The following ANKRD36 variants were observed in gnomAD, a reference collection of about 807,000 sequenced individuals.
ANKRD36 encodes ankyrin repeat domain-containing protein 36A.
A neutral mutation model predicts 278.1 loss-of-function variants in ANKRD36; 179 were observed. The ratio of observed to expected loss-of-function variants is 0.64; its 90% CI spans 0.57 to 0.73. ANKRD36 has a LOEUF of 0.73. ANKRD36 is among the 30% of genes least tolerant of loss of function. The pLI is 0.00. For synonymous variants in ANKRD36, 320 were observed against 641.1 expected (o/e 0.50, Z 7.57); for missense variants, 1,159 against 1,956.7 (o/e 0.59, Z 7.69).
chr2:97,127,245 C>A (rs1243434618), intron 6 of ANKRD36, 111 bp downstream of exon 6: 13 of 443,306 alleles, frequency 2.9e-5, no homozygotes, highest in Admixed American at 4.7e-5. Context: ...TTAAATTGCA[C>A]ACATTTAAAA....
At chr2:97,206,999 T>A in intron 52 of ANKRD36, among the ~76,000 whole-genome samples, 1 of 151,564 alleles carries the variant, frequency 6.6e-6, no homozygotes, top group East Asian at 1.9e-4. Context: ...TCTAATTAAC[T>A]CCTAAAATGC....
At chr2:97,171,580 T>A (rs1426950238) in intron 22 of ANKRD36, among the ~76,000 whole-genome samples, 2 of 123,528 alleles carry the variant, frequency 1.6e-5, no homozygotes, top group Admixed American at 1.6e-4. Flanking sequence ...AGGGATAGCA[T>A]TGGGAGATAT....
chr2:97,252,746 GT>G (rs1299287746), intron 75 of ANKRD36, among the ~76,000 whole-genome samples: 9 of 142,950 alleles, frequency 6.3e-5, no homozygotes, highest in Non-Finnish European at 1.2e-4. Context: ...GATTACAGGT[GT>G]GAGCCACTGC....
intron 66 of ANKRD36, 67 bp downstream of exon 66, chr2:97,219,313 C>T: frequency 3.0e-6 from 4 of 1,348,956 alleles, no homozygotes; most frequent in East Asian, 2.6e-5. Context: ...TGCTCATAGT[C>T]TTTCTATTCT....
chr2:97,193,182 T>G, intron 38 of ANKRD36, 129 bp downstream of exon 38: 1 of 988,830 alleles, frequency 1.0e-6, no homozygotes, highest in South Asian at 1.7e-5. Context: ...ATTCTTCATT[T>G]CAAATAAGTT....
chr2:97,221,836 G>A (rs1422511353), intron 66 of ANKRD36, among the ~76,000 whole-genome samples: 27 of 146,994 alleles, frequency 1.8e-4, no homozygotes, highest in Non-Finnish European at 3.0e-4. Flanking sequence ...TGGTGTTTTG[G>A]ACATGAAGTC....
rs565135540 is a variant in ANKRD36 at position 97,203,962 on chromosome 2, G to A, written c.2960-106G>A. The A allele has an allele frequency of 2.5e-5, 37 of 1,488,080 alleles. 1 individual carries two copies. The African/African-American group carries it at 3.6e-4, about 14-fold the overall frequency. 92.2% of individuals were successfully genotyped at this position (1,488,080 alleles called of 1,614,324 possible). ...AAAATTAGAAGCCATCAAAGCATAC[G>A]CTAATACAGGCAGGAGGACAGAGGC... On this transcript the variant is annotated intron_variant, in intron 48 of 75. Transcript: ENST00000420699.
chr2:97,159,817 C>G (rs1246322636), intron 17 of ANKRD36, among the ~76,000 whole-genome samples: 10 of 151,260 alleles, frequency 6.6e-5, no homozygotes, highest in African/African-American at 2.4e-4. Context: ...GAGTCTCGCT[C>G]TGTCGCCCAG....
At chr2:97,228,586 G>A (rs181447385) in intron 67 of ANKRD36, among the ~76,000 whole-genome samples, 3,042 of 150,826 alleles carry the variant, frequency 0.02, 109 homozygotes, top group African/African-American at 0.071. Context: ...TCAAAAAACC[G>A]GCTCCTGGAT....
chr2:97,115,930 A>C lies in ANKRD36; in HGVS notation c.197+1994A>C, dbSNP rs202165970. 9.9e-5 allele frequency among the ~76,000 whole-genome samples: 15 copies of C among 151,120 alleles called. No homozygotes were observed. The East Asian group carries it at 2.9e-3, about 29-fold the overall frequency. On this transcript the variant is annotated intron_variant, in intron 1 of 75. Transcript: ENST00000420699. ...TAAATTTATCAATAAATTTCAGTGC[A>C]TCCATAGGATGGGACAATATGGGAC...
At chr2:97,231,843 T>C (rs1296053476) in intron 67 of ANKRD36, among the ~76,000 whole-genome samples, 1 of 152,090 alleles carries the variant, frequency 6.6e-6, no homozygotes, top group Non-Finnish European at 1.5e-5. Context: ...TAATTTAAAG[T>C]TTGCCTAATC....
intron 6 of ANKRD36, among the ~76,000 whole-genome samples, chr2:97,127,336 A>T (rs2038886964): frequency 1.3e-5 from 2 of 151,942 alleles, no homozygotes; most frequent in South Asian, 2.1e-4. Flanking sequence ...TTTGAAAAAA[A>T]TTATTATTTA....
chr2:97,132,112 C>G (rs1485767083), intron 6 of ANKRD36, among the ~76,000 whole-genome samples: 44 of 151,670 alleles, frequency 2.9e-4, no homozygotes, highest in East Asian at 7.8e-4. Context: ...CAGGTGTGAG[C>G]CACCGCCCCC....
Position 97,198,615 on chromosome 2 carries a change from G to C in ANKRD36, c.2712G>C (p.Leu904Phe), listed in dbSNP as rs755922784. The C allele has an allele frequency of 2.6e-6, 4 of 1,545,278 alleles. No homozygotes were observed. The South Asian group carries it at 4.8e-5, about 18-fold the overall frequency. The part of the protein sequence containing the change: ...KASSAEKDSV[L>F]NIARGKKDGE... Reference sequence around the variant, plus strand: ...CAAGTGCCGAGAAAGATTCTGTTTTGAATATAGCCAGAGGAAAAAAGGATG... The same window carrying C: ...CAAGTGCCGAGAAAGATTCTGTTTTCAATATAGCCAGAGGAAAAAAGGATG... Residue 904 changes from leucine (L) to phenylalanine (F), a missense_variant, in exon 44 of 76, where the codon TTG becomes TTC. Coordinates refer to ENST00000420699, the MANE Select transcript of ANKRD36 (RefSeq NM_001354587.1).
At chr2:97,191,603 A>AC (rs1293959816) in intron 36 of ANKRD36, among the ~76,000 whole-genome samples, 1 of 151,516 alleles carries the variant, frequency 6.6e-6, no homozygotes, top group Non-Finnish European at 1.5e-5. Flanking sequence ...ACCTACGGAG[A>AC]CCCCTCCTGT....
intron 52 of ANKRD36, 67 bp from the exon 53 acceptor site, chr2:97,207,744 G>T (rs1374050240): frequency 1.1e-5 from 17 of 1,541,134 alleles, no homozygotes; most frequent in Non-Finnish European, 1.5e-5. Context: ...TGCTAACACT[G>T]TATGAATGTA....
At chr2:97,208,588 A>C (rs4350790) in intron 54 of ANKRD36, among the ~76,000 whole-genome samples, 1 of 145,414 alleles carries the variant, frequency 6.9e-6, no homozygotes, top group Non-Finnish European at 1.5e-5. Context: ...ATTTGCTTTT[A>C]GCTGCTCCAG....
chr2:97,217,397 G>A (rs1172876972), intron 64 of ANKRD36, 25 bp downstream of exon 64: 2 of 1,549,468 alleles, frequency 1.3e-6, no homozygotes, highest in Non-Finnish European at 1.7e-6. Context: ...TACATTTAAT[G>A]TCATGTGCAC....
At chr2:97,194,618 A>G (rs199905832) in intron 38 of ANKRD36, 108 bp from the exon 39 acceptor site, 14 of 1,047,980 alleles carry the variant, frequency 1.3e-5, no homozygotes, top group South Asian at 9.4e-5. Context: ...ATCAAAGCGT[A>G]CACTAATACA....
Sources: allele counts gnomAD v4.1 joint callset (sites outside exome capture counted in the v4.1 genomes callset), GRCh38; gene constraint gnomAD v4.1.1; transcripts MANE v1.5; gene names NCBI Gene and HGNC (gene_info 2026-07-23, HGNC 2026-07-21).